Variants in OXTR observed in about 807,000 individuals in gnomAD.
OXTR encodes oxytocin receptor.
In OXTR, 19 loss-of-function variants were observed where a neutral mutation model predicts 23.9. The observed-to-expected ratio is 0.80, with a 90% CI of 0.56 to 1.17. The LOEUF (loss-of-function observed/expected upper bound fraction) is 1.17. OXTR is among the 50% of genes most tolerant of loss of function. The probability of loss-of-function intolerance (pLI) is 0.00; values close to 1 mark genes in which losing one functional copy is unlikely to be tolerated. For synonymous variants in OXTR, 278 were observed against 250.5 expected, an observed-to-expected ratio of 1.11 and a Z score of -1.04; for missense variants, 500 against 550.7, an observed-to-expected ratio of 0.91 and a Z score of 0.92.
Position 8,750,421 on chromosome 3 carries a change from A to G in OXTR, c.*2556T>C, listed in dbSNP as rs202135870. 6.6e-6 allele frequency: 1 copy of G among 152,086 alleles called. No homozygotes were observed. Among genetic ancestry groups the G allele is most frequent in the Non-Finnish European group, 1.5e-5 (1 of 68,000 alleles). 9.4% of individuals were successfully genotyped at this position (152,086 alleles called of 1,614,324 possible). A position where few individuals can be genotyped will look rare whatever the true frequency, so the allele number is the denominator to read the frequency against. On this transcript the variant is annotated 3_prime_UTR_variant, in exon 4 of 4. Transcript: ENST00000316793. ...TGTTGAATTTTTTTTGTTTATTTTT[A>G]TTTTTTAAAGTTCATTGGTTTTTAG...
intron 3 of OXTR, among the ~76,000 whole-genome samples, chr3:8,757,385 A>G (rs1708394503): frequency 6.6e-6 from 1 of 151,468 alleles, no homozygotes; most frequent in African/African-American, 2.4e-5. Context: ...TCCCAGAACA[A>G]TTAAAGAAAT....
chr3:8,767,846 C>T lies in OXTR; in HGVS notation c.342G>A (p.Leu114=). ...RFYGPDLLCR[L]VKYLQVVGMF... is the part of the protein sequence containing the mutation. ...TGCCCACCACCTGCAAGTACTTGAC[C>T]AGGCGGCACAGCAGGTCGGGCCCGT... The change falls in exon 3 of 4, where the codon CTG becomes CTA. Residue 114 remains leucine, a synonymous_variant. Transcript: ENST00000316793. 2 of 1,612,682 alleles carry T rather than the reference C, an allele frequency of 1.2e-6. No homozygotes were observed. Among genetic ancestry groups the T allele is most frequent in the Non-Finnish European group, 8.5e-7 (1 of 1,179,320 alleles).
chr3:8,745,924 C>A, downstream of OXTR: 1 of 1,428,364 alleles, frequency 7.0e-7, no homozygotes, highest in Non-Finnish European at 9.7e-7. This position sits in a 1 kb window ranked among gnomAD's most constrained non-coding sequence, Gnocchi z 4.8. Context: ...GACTGGTCCC[C>A]GGGGGACTTC....
Position 8,767,885 on chromosome 3 carries a change from G to A in OXTR, c.303C>T (p.Ile101=), listed in dbSNP as rs751841353. The A allele has an allele frequency of 1.2e-6, 2 of 1,613,578 alleles. No individual in the cohort carries two copies. Among genetic ancestry groups the A allele is most frequent in the East Asian group, 2.2e-5 (1 of 44,880 alleles). ...GGTCGGGCCCGTAGAAGCGGAAGGTGATGTCCCACAGCAACTGCGGCAGCA... is the reference window on the plus strand; with the variant it reads ...GGTCGGGCCCGTAGAAGCGGAAGGTAATGTCCCACAGCAACTGCGGCAGCA... ...FQVLPQLLWD[I]TFRFYGPDLL... Residue 101 remains isoleucine (I), a synonymous_variant, in exon 3 of 4, where the codon ATC becomes ATT. Transcript: ENST00000316793.
intron 3 of OXTR, among the ~76,000 whole-genome samples, chr3:8,763,401 G>T (rs1708532741): frequency 6.6e-6 from 1 of 152,190 alleles, no homozygotes. Flanking sequence ...TTACCAGGGA[G>T]AGGCTGGAAG....
chr3:8,760,897 A>G (rs1454383424), intron 3 of OXTR, among the ~76,000 whole-genome samples: 1 of 123,030 alleles, frequency 8.1e-6, no homozygotes, highest in Non-Finnish European at 1.7e-5. Context: ...ACTGCCAGGT[A>G]TTAGTTTAAA....
chr3:8,762,015 G>A (rs900502193), intron 3 of OXTR, among the ~76,000 whole-genome samples: 5 of 152,216 alleles, frequency 3.3e-5, no homozygotes, highest in African/African-American at 9.6e-5. Context: ...AGGGAGCCCT[G>A]TGGGGTTGCC....
In OXTR at chr3:8,767,269, C is replaced by A. The variant is rs199821534; in HGVS notation, c.919G>T (p.Glu307Ter). ...TGGGTCTCCCAGCCCTGGCTACCTT[C>A]CTTGGGCGCGTTGGCATCCCAGACG... The part of the protein sequence containing the change: ...WSVWDANAPK[E>*]ASAFIIVMLL... The change falls in exon 3 of 4, where the codon GAA becomes TAA. Residue 307 changes from glutamate (E) to a stop codon, truncating the protein, a stop_gained. Transcript: ENST00000316793. LOFTEE classifies it high-confidence loss of function. The A allele has an allele frequency of 9.7e-6, 15 of 1,541,112 alleles. No homozygotes were observed.
Position 8,768,521 on chromosome 3 carries a change from G to C in OXTR, c.-168C>G. On this transcript the variant is annotated 5_prime_UTR_variant, in exon 2 of 4. Transcript: ENST00000316793. The surrounding 1 kb of genome is among the most constrained non-coding windows in gnomAD (Gnocchi z 5.4). ...CTCCTCTGAGCCACTGCAAATGAGC[G>C]GGAATCCTCTACCGGCCACAAGCCC... 1 of 236,102 alleles carries C rather than the reference G, an allele frequency of 4.2e-6. No individual in the cohort carries two copies. The highest frequency in any genetic ancestry group is 8.1e-6 in the Non-Finnish European group (1 of 123,468). The allele number at this position is 236,102 out of a possible 1,614,324, so 14.6% of individuals were successfully genotyped here.
At position 8,767,661 on chromosome 3, in the gene OXTR, G is replaced by C. The variant is rs1027825190; in HGVS notation, c.527C>G (p.Ser176Cys). ...GACGCCGTCAGCCACCTCGCGCAGA[G>C]AGAAGATGTGCACCTGCGGCGCGCT... Reference protein sequence around the residue: ...VASAPQVHIFSLREVADGVFD... With the variant: ...VASAPQVHIFCLREVADGVFD... The change falls in exon 3 of 4, where the codon TCT (serine) becomes TGT (cysteine). Residue 176 changes from serine to cysteine, a missense_variant. Ser to Cys is a moderately radical substitution (Grantham distance 112). Transcript: ENST00000316793. 1 of 1,612,530 alleles carries C rather than the reference G, an allele frequency of 6.2e-7. No individual in the cohort carries two copies. Among genetic ancestry groups the C allele is most frequent in the Admixed American group, 1.7e-5 (1 of 59,952 alleles).
chr3:8,759,448 T>C (rs1708442537), intron 3 of OXTR, among the ~76,000 whole-genome samples: 1 of 152,242 alleles, frequency 6.6e-6, no homozygotes, highest in Admixed American at 6.5e-5. Flanking sequence ...TGCTAACAGC[T>C]ACTGGAAAAT....
downstream of OXTR, among the ~76,000 whole-genome samples, chr3:8,747,382 C>G (rs1708190075): frequency 6.6e-6 from 1 of 152,226 alleles, no homozygotes; most frequent in Admixed American, 6.5e-5. Flanking sequence ...AAAAGTTGAA[C>G]AGCTACATAC....
chr3:8,746,799 T>A (rs237883), downstream of OXTR: 122,865 of 146,968 alleles, frequency 0.84, 51,166 homozygotes, highest in Middle Eastern at 0.91. Context: ...TCTCTCTCTC[T>A]CACACACACA....
At chr3:8,744,275 A>C in the OXTR span, among the ~76,000 whole-genome samples, 1 of 120,860 alleles carries the variant, frequency 8.3e-6, no homozygotes, top group East Asian at 2.1e-4. Context: ...GACCAGTGGA[A>C]TTTTTTTTTT....
Position 8,753,058 on chromosome 3 carries a change from G to A in OXTR, c.1089C>T (p.Ser363=), listed in dbSNP as rs1411402376. ...KGRRLGETSA[S]KKSNSSSFVL... ...CAAAGGAGGACGAGTTGCTCTTTTT[G>A]CTGGCACTCGTCTCTCCCAGGCGTC... The change falls in exon 4 of 4, where the codon AGC becomes AGT. Residue 363 remains serine, a synonymous_variant. Transcript: ENST00000316793. 1 of 1,614,076 alleles carries A rather than the reference G, an allele frequency of 6.2e-7. No individual in the cohort carries two copies. Among genetic ancestry groups the A allele is most frequent in the East Asian group, 2.2e-5 (1 of 44,858 alleles).
the OXTR span, among the ~76,000 whole-genome samples, chr3:8,745,301 T>G: frequency 1.3e-5 from 2 of 152,284 alleles, no homozygotes; most frequent in East Asian, 3.9e-4. The surrounding 1 kb of genome is among the most constrained non-coding windows in gnomAD (Gnocchi z 4.8). Flanking sequence ...CCATGATTCC[T>G]GCACAGATCA....
chr3:8,749,835 C>A (rs1252765802), downstream of OXTR, among the ~76,000 whole-genome samples: 2 of 152,104 alleles, frequency 1.3e-5, no homozygotes, highest in African/African-American at 4.8e-5. Context: ...TGTGTGTATG[C>A]GCGTGTGTGT....
chr3:8,742,461 CT>C, the OXTR span: 1 of 456,338 alleles, frequency 2.2e-6, no homozygotes, highest in Non-Finnish European at 4.4e-6. Context: ...GTACTTACTA[CT>C]GTAAGGAAAG....
At chr3:8,741,920 G>T in the OXTR span, among the ~76,000 whole-genome samples, 8 of 152,066 alleles carry the variant, frequency 5.3e-5, no homozygotes, top group African/African-American at 1.9e-4. Flanking sequence ...GCCACAGAAG[G>T]GGACACCGAC....
Sources: allele counts gnomAD v4.1 joint callset (sites outside exome capture counted in the v4.1 genomes callset), GRCh38; gene constraint gnomAD v4.1.1; non-coding constraint Gnocchi (gnomAD v3.1); transcripts MANE v1.5; gene names NCBI Gene and HGNC (gene_info 2026-07-23, HGNC 2026-07-21).